PDE4C: variants seen among roughly 807,000 people sequenced by gnomAD.
The protein encoded by PDE4C is 3',5'-cyclic-AMP phosphodiesterase 4C.
A neutral mutation model predicts 63.9 loss-of-function variants in PDE4C; 50 were observed. The ratio of observed to expected loss-of-function variants is 0.78; its 90% confidence interval spans 0.62 to 0.99. The LOEUF (loss-of-function observed/expected upper bound fraction) is 0.99, where lower values mean the gene tolerates loss of function less well. Among genes scored for constraint, PDE4C ranks in the 50% least tolerant of loss-of-function variants. The pLI, the probability that PDE4C is intolerant of heterozygous loss-of-function variation, is 0.00. For synonymous variants in PDE4C, 377 were observed against 385.1 expected, an observed-to-expected ratio of 0.98 and a Z score of 0.25; for missense variants, 777 against 899.1, an observed-to-expected ratio of 0.86 and a Z score of 1.74.
chr19:18,229,533 G>A (rs981902870), upstream of PDE4C, among the ~76,000 whole-genome samples: 1 of 152,124 alleles, frequency 6.6e-6, no homozygotes, highest in Non-Finnish European at 1.5e-5. Context: ...GAGCCACTGC[G>A]CCCATTCTGA....
exon 10 of PDE4C, chr19:18,218,359 A>T (rs747390836): frequency 6.2e-7 from 1 of 1,614,242 alleles, no homozygotes; most frequent in Non-Finnish European, 8.5e-7. Context: ...AGCCAGCAGC[A>T]CATGCGTGGA....
chr19:18,220,584 C>G lies in PDE4C; in HGVS notation c.500-69G>C. ...AGGGACCCCACGCCTCTCGCGACTT[C>G]GTCTCTTCATCTGGACCCTGAAACT... is the stretch of plus-strand genomic sequence containing the variant. On this transcript the variant is annotated intron_variant, in intron 5 of 14. Transcript: ENST00000262805. The surrounding 1 kb of genome is among the most constrained non-coding windows in gnomAD (Gnocchi z 5.1). The G allele has an allele frequency of 1.5e-6, 2 of 1,350,458 alleles. No homozygotes were observed. Among genetic ancestry groups the G allele is most frequent in the South Asian group, 1.2e-5 (1 of 81,258 alleles). 83.7% of individuals were successfully genotyped at this position (1,350,458 alleles called of 1,614,324 possible).
intron 1 of PDE4C, among the ~76,000 whole-genome samples, chr19:18,240,796 G>A (rs1045210219): frequency 5.3e-5 from 8 of 152,242 alleles, no homozygotes; most frequent in Non-Finnish European, 7.3e-5. Context: ...GCAAAGTGGG[G>A]TGGGAGGAAG....
At chr19:18,232,487 G>C (rs888327822) in intron 1 of PDE4C, among the ~76,000 whole-genome samples, 43 of 151,742 alleles carry the variant, frequency 2.8e-4, no homozygotes, top group African/African-American at 9.9e-4. Context: ...TCCCCCACAG[G>C]CCTGCGGACA....
At position 18,216,868 on chromosome 19, in the gene PDE4C, T is replaced by G. The variant is rs752298553; in HGVS notation, c.1262A>C (p.Asp421Ala). The change falls in exon 12 of 15, where the codon GAC becomes GCC. Residue 421 changes from aspartate to alanine, a missense_variant. Asp to Ala is a moderately radical substitution (Grantham distance 126). Transcript: ENST00000262805. Reference sequence around the variant, plus strand: ...GTGATGGTTCTCCAGCACCGAGGCGTCGTTGTACATAAGCGCCAGCTCTGA... The same window carrying G: ...GTGATGGTTCTCCAGCACCGAGGCGGCGTTGTACATAAGCGCCAGCTCTGA... 5 of 1,613,912 alleles carry G rather than the reference T, an allele frequency of 3.1e-6. No homozygotes were observed. In the Admixed American group the frequency reaches 5.0e-5, roughly 16 times the overall value.
upstream of PDE4C, among the ~76,000 whole-genome samples, chr19:18,252,643 C>T (rs778051971): frequency 8.0e-5 from 12 of 150,680 alleles, no homozygotes; most frequent in Admixed American, 1.3e-4. Flanking sequence ...TTTGAGATGG[C>T]GTCTCGCTCT....
At chr19:18,213,715 CAT>C (rs1425093395) in intron 12 of PDE4C, among the ~76,000 whole-genome samples, 1 of 152,224 alleles carries the variant, frequency 6.6e-6, no homozygotes, top group Non-Finnish European at 1.5e-5. Flanking sequence ...ATGAATTCCA[CAT>C]GTGTGACAGG....
intron 1 of PDE4C, among the ~76,000 whole-genome samples, chr19:18,241,593 G>C (rs1225857999): frequency 6.6e-6 from 1 of 151,798 alleles, no homozygotes; most frequent in African/African-American, 2.4e-5. Context: ...CTGTCACCCA[G>C]GCTGGAGCGT....
intron 1 of PDE4C, among the ~76,000 whole-genome samples, chr19:18,242,739 C>T (rs1969063847): frequency 1.4e-5 from 2 of 146,502 alleles, no homozygotes; most frequent in Non-Finnish European, 1.5e-5. Flanking sequence ...GAGCCAAGAT[C>T]GCACCACTGC....
chr19:18,228,051 C>A (rs767523512), upstream of PDE4C, among the ~76,000 whole-genome samples: 6 of 152,110 alleles, frequency 3.9e-5, no homozygotes, highest in African/African-American at 1.4e-4. Context: ...CTCGCTGTCC[C>A]CAAGACAAAA....
At chr19:18,252,111 G>A (rs1198112849), upstream of PDE4C, 4 of 399,152 alleles carry the variant, frequency 1.0e-5, no homozygotes, top group African/African-American at 8.2e-5. Flanking sequence ...CAAGGGCTCC[G>A]TTCCGGGGCT....
intron 13 of PDE4C, 129 bp from the exon 14 acceptor site, chr19:18,212,070 G>A (rs1056256313): frequency 3.5e-6 from 3 of 864,736 alleles, no homozygotes; most frequent in African/African-American, 1.7e-5. Context: ...CCTGAGACCT[G>A]AAGAAATGGT....
chr19:18,234,562 T>A (rs1968918324), upstream of PDE4C, among the ~76,000 whole-genome samples: 1 of 151,846 alleles, frequency 6.6e-6, no homozygotes, highest in African/African-American at 2.4e-5. Flanking sequence ...AGAGGTGAGA[T>A]TTTGTACTCC....
At chr19:18,217,625 G>A (rs890101880) in intron 11 of PDE4C, among the ~76,000 whole-genome samples, 4 of 152,066 alleles carry the variant, frequency 2.6e-5, no homozygotes, top group African/African-American at 7.2e-5. Flanking sequence ...GTCTGGGCGC[G>A]GTGGCTCGTG....
rs1339522418 is a variant in PDE4C at position 18,222,334 on chromosome 19, A to G, written c.147-11T>C. On this transcript the variant is annotated splice_polypyrimidine_tract_variant and intron_variant, in intron 1 of 14. Coordinates refer to ENST00000262805, the Ensembl canonical transcript of PDE4C. ...TTTTCCAGGTCAAAGCTGAAAGGAG[A>G]GACGGCATGGTCAGAGACGAGGGTC... 1.2e-6 allele frequency: 2 copies of G among 1,604,046 alleles called. No individual in the cohort carries two copies. The highest frequency in any genetic ancestry group is 4.5e-5 in the East Asian group (2 of 44,660).
chr19:18,216,384 C>T (rs1219379520), intron 12 of PDE4C, among the ~76,000 whole-genome samples: 1 of 152,016 alleles, frequency 6.6e-6, no homozygotes, highest in Non-Finnish European at 1.5e-5. Context: ...TAGCAATTCT[C>T]CTGCCTCAGT....
At position 18,222,183 on chromosome 19, in the gene PDE4C, T is replaced by C. The variant is rs61734285; in HGVS notation, c.287A>G (p.Tyr96Cys). The stretch of plus-strand genomic sequence containing the variant: ...AGACATGGCCTTGGGCGAGAGTTCA[T>C]AGTCGCTATCTGAGCGGTACAGGAA... Residue 96 changes from tyrosine to cysteine, a missense_variant, in exon 2 of 15, where the codon TAT becomes TGT. Physicochemically the swap from Tyr to Cys is radical, Grantham distance 194. Transcript: ENST00000262805. 925 of 1,614,098 alleles carry C rather than the reference T, an allele frequency of 5.7e-4. 6 individuals carry two copies. The African/African-American group carries it at 0.011, about 20-fold the overall frequency.
upstream of PDE4C, among the ~76,000 whole-genome samples, chr19:18,229,519 G>A (rs1161582609): frequency 6.6e-6 from 1 of 152,178 alleles, no homozygotes; most frequent in African/African-American, 2.4e-5. Flanking sequence ...GGGATTACAG[G>A]TGTGAGCCAC....
chr19:18,223,402 G>A (rs1024421929), intron 1 of PDE4C, among the ~76,000 whole-genome samples: 2 of 152,072 alleles, frequency 1.3e-5, no homozygotes, highest in Admixed American at 6.6e-5. Context: ...TAGAGACGGG[G>A]TTTCTCCATG....
Sources: allele counts gnomAD v4.1 joint callset (sites outside exome capture counted in the v4.1 genomes callset), GRCh38; gene constraint gnomAD v4.1.1; non-coding constraint Gnocchi (gnomAD v3.1); transcripts MANE v1.5; gene names NCBI Gene and HGNC (gene_info 2026-07-23, HGNC 2026-07-21).